The following HELLS variants were observed in gnomAD, a reference collection of about 807,000 sequenced individuals.
HELLS encodes lymphoid-specific helicase.
A neutral mutation model predicts 120.0 loss-of-function variants in HELLS; 32 were observed. The observed-to-expected ratio is 0.27, with a 90% CI of 0.20 to 0.36. The LOEUF is 0.36. HELLS is among the 10% of genes least tolerant of loss of function. HELLS has a pLI of 1.00. For missense variants in HELLS, 650 were observed against 993.4 expected (o/e 0.65, Z 4.65); for synonymous variants, 341 against 323.4 (o/e 1.05, Z -0.58).
exon 10 of HELLS, chr10:94,610,036 GCTGTGTTCCTCA>G (rs925653894): frequency 6.6e-6 from 1 of 152,100 alleles, no homozygotes; most frequent in African/African-American, 2.4e-5. Flanking sequence ...TTGACGTTTA[GCTGTGTTCCTCA>G]CTCAGATACG....
chr10:94,553,335 G>A (rs966548676), intron 2 of HELLS, among the ~76,000 whole-genome samples: 1 of 150,770 alleles, frequency 6.6e-6, no homozygotes, highest in Non-Finnish European at 1.5e-5. Flanking sequence ...TGCAACCTCC[G>A]CTTCCCGGGT....
chr10:94,582,856 C>T lies in HELLS; in HGVS notation c.1230-107C>T, dbSNP rs1844943571. 3 of 586,106 alleles carry T rather than the reference C, an allele frequency of 5.1e-6. No homozygotes were observed. The East Asian group carries it at 9.0e-5, about 18-fold the overall frequency. The allele number at this position is 586,106 out of a possible 1,614,324, so 36.3% of individuals were successfully genotyped here. On this transcript the variant is annotated intron_variant, in intron 11 of 21. Coordinates refer to ENST00000348459, the MANE Select transcript of HELLS (RefSeq NM_018063.5). ...AATTGCACCTAAGGATTTGATGCAA[C>T]AATACCACGTTTCATTATCAGATTA... is the stretch of plus-strand genomic sequence containing the variant.
Position 94,546,425 on chromosome 10 carries a change from C to T in HELLS, c.80C>T (p.Thr27Ile), listed in dbSNP as rs1422932564. 1.9e-6 allele frequency: 3 copies of T among 1,614,018 alleles called. No individual in the cohort carries two copies. The highest frequency in any genetic ancestry group is 2.7e-5 in the African/African-American group (2 of 74,922). ...GAACAACTGGACACTGCTGTGATTA[C>T]CCCGGCCATGCTAGAAGAGGAAGAA... ...MVEQLDTAVI[T>I]PAMLEEEEQL... The change falls in exon 2 of 22, where the codon ACC becomes ATC. Residue 27 changes from threonine to isoleucine, a missense_variant. Physicochemically the swap from Thr to Ile is moderately conservative, Grantham distance 89 (BLOSUM62 -1). This residue lies in a region of HELLS where 90 missense variants were observed against 93.6 expected (regional missense o/e 0.96). Transcript: ENST00000348459.
intron 13 of HELLS, among the ~76,000 whole-genome samples, chr10:94,589,827 C>T (rs1025066487): frequency 6.6e-6 from 1 of 151,684 alleles, no homozygotes; most frequent in African/African-American, 2.4e-5. Context: ...GCTGGGACTA[C>T]AGTCGCCCGC....
At chr10:94,602,507 A>G (rs374644684), downstream of HELLS, among the ~76,000 whole-genome samples, 4 of 152,324 alleles carry the variant, frequency 2.6e-5, no homozygotes, top group Middle Eastern at 3.4e-3. Context: ...GAAATCCTGA[A>G]TGTACCCTGG....
chr10:94,555,162 C>T (rs1296713711), intron 3 of HELLS, among the ~76,000 whole-genome samples: 1 of 148,856 alleles, frequency 6.7e-6, no homozygotes, highest in African/African-American at 2.5e-5. Flanking sequence ...ACAGGCTGGG[C>T]GCAGTGGCTC....
chr10:94,580,156 T>C (rs1310652450), intron 10 of HELLS, among the ~76,000 whole-genome samples: 22 of 49,204 alleles, frequency 4.5e-4, no homozygotes, highest in African/African-American at 2.2e-3. Context: ...TATATATATA[T>C]ATATATACAC....
At chr10:94,575,660 A>T (rs914408352) in intron 9 of HELLS, among the ~76,000 whole-genome samples, 1 of 150,900 alleles carries the variant, frequency 6.6e-6, no homozygotes, top group African/African-American at 2.4e-5. Context: ...TGACCTTGTG[A>T]TCCGCCCACC....
chr10:94,592,582 T>C, intron 17 of HELLS, 68 bp downstream of exon 17: 1 of 1,057,186 alleles, frequency 9.5e-7, no homozygotes, highest in Non-Finnish European at 1.3e-6. Flanking sequence ...TCTGAAGTAA[T>C]ATTCCAAATA....
intron 1 of HELLS, 21 bp downstream of exon 1, chr10:94,545,973 G>C: frequency 3.2e-6 from 5 of 1,554,102 alleles, no homozygotes; most frequent in Non-Finnish European, 4.4e-6. Flanking sequence ...AAAACCTTTT[G>C]GGCGCGGGTG....
At chr10:94,552,118 A>T (rs1843008502) in intron 2 of HELLS, among the ~76,000 whole-genome samples, 2 of 152,220 alleles carry the variant, frequency 1.3e-5, no homozygotes, top group African/African-American at 4.8e-5. Context: ...TTACTGGGGA[A>T]AGGGGCAGTT....
chr10:94,606,354 T>G (rs1846129652), downstream of HELLS, among the ~76,000 whole-genome samples: 2 of 151,830 alleles, frequency 1.3e-5, no homozygotes, highest in Admixed American at 6.5e-5. Context: ...AGAATTTTTT[T>G]GTTTGAATGA....
chr10:94,612,983 A>G (rs1452240060), exon 10 of HELLS: 1 of 152,194 alleles, frequency 6.6e-6, no homozygotes. Context: ...TGCTACCTCT[A>G]ATGTTCCATG....
chr10:94,574,333 C>T, intron 8 of HELLS, 146 bp downstream of exon 8: 1 of 718,948 alleles, frequency 1.4e-6, no homozygotes, highest in East Asian at 2.7e-5. Context: ...TTTCTTTACC[C>T]TGAATTTTTA....
chr10:94,565,260 G>A (rs921765676), intron 6 of HELLS, among the ~76,000 whole-genome samples: 1 of 152,128 alleles, frequency 6.6e-6, no homozygotes, highest in East Asian at 1.9e-4. Context: ...TCACGAACCT[G>A]GGAGGCAGAG....
chr10:94,571,329 T>C (rs974686182), intron 6 of HELLS, 59 bp from the exon 7 acceptor site: 1 of 1,288,954 alleles, frequency 7.8e-7, no homozygotes, highest in Non-Finnish European at 1.1e-6. Context: ...GCTTGTTGAA[T>C]AAATAAATAA....
intron 4 of HELLS, among the ~76,000 whole-genome samples, chr10:94,560,845 C>A (rs1352549274): frequency 6.6e-6 from 1 of 152,062 alleles, no homozygotes; most frequent in Non-Finnish European, 1.5e-5. Context: ...CATCTGAGGT[C>A]AAGAGCTGGA....
chr10:94,589,595 A>T (rs1031004506), intron 13 of HELLS, among the ~76,000 whole-genome samples: 2 of 151,718 alleles, frequency 1.3e-5, no homozygotes, highest in African/African-American at 4.9e-5. Context: ...TTTATTGTAC[A>T]CTATAAACCT....
chr10:94,605,684 C>G (rs1373815467), downstream of HELLS, among the ~76,000 whole-genome samples: 1 of 137,714 alleles, frequency 7.3e-6, no homozygotes, highest in African/African-American at 2.8e-5. Flanking sequence ...CTCATTCTGT[C>G]ACCTAGGCAT....
Sources: allele counts gnomAD v4.1 joint callset (sites outside exome capture counted in the v4.1 genomes callset), GRCh38; gene constraint gnomAD v4.1.1; regional missense constraint gnomAD v4.1.1; transcripts MANE v1.5; gene names NCBI Gene and HGNC (gene_info 2026-07-23, HGNC 2026-07-21).